ABCA12: variants seen among roughly 807,000 people sequenced by gnomAD.
ABCA12 encodes ATP binding cassette subfamily A member 12, also known as glucosylceramide transporter ABCA12.
In ABCA12, 156 loss-of-function variants were observed where a neutral mutation model predicts 293.5. The observed-to-expected ratio is 0.53, with a 90% CI of 0.47 to 0.61. The LOEUF (loss-of-function observed/expected upper bound fraction) is 0.61, where lower values mean the gene tolerates loss of function less well. Ranked by LOEUF, ABCA12 falls within the 20% of genes least tolerant of loss-of-function variation. ABCA12 has a pLI of 0.00. For synonymous variants in ABCA12, 1,063 were observed against 1,108.0 expected, an observed-to-expected ratio of 0.96 and a Z score of 0.81; for missense variants, 2,797 against 3,090.2, an observed-to-expected ratio of 0.91 and a Z score of 2.25.
chr2:215,037,041 A>G lies in ABCA12; in HGVS notation c.897T>C (p.Val299=). Residue 299 remains valine (V), a synonymous_variant, in exon 8 of 53, where the codon GTT becomes GTC. Coordinates refer to ENST00000272895, the MANE Select transcript of ABCA12 (RefSeq NM_173076.3). ...CTTCGTTAGTTGCAAAACGTGGATA[A>G]ACCTTCTGCACAACCAGCAGCACAC... is the stretch of plus-strand genomic sequence containing the variant. ...ANSVLLVVQK[V]YPRFATNEGF... is the part of the protein sequence containing the mutation. 6.2e-7 allele frequency: 1 copy of G among 1,613,962 alleles called. No homozygotes were observed. Among genetic ancestry groups the G allele is most frequent in the Non-Finnish European group, 8.5e-7 (1 of 1,179,860 alleles).
chr2:214,992,246 T>C (rs1333826455), intron 23 of ABCA12, among the ~76,000 whole-genome samples: 1 of 151,424 alleles, frequency 6.6e-6, no homozygotes, highest in Non-Finnish European at 1.5e-5. Context: ...ACAGAGACCA[T>C]CCTGGCTAAC....
intron 45 of ABCA12, among the ~76,000 whole-genome samples, chr2:214,950,541 G>A (rs927319774): frequency 2.7e-5 from 4 of 145,824 alleles, no homozygotes; most frequent in African/African-American, 1.0e-4. Context: ...GAATCACTCT[G>A]TCACCCAGGC....
intron 15 of ABCA12, 62 bp downstream of exon 15, chr2:215,015,428 G>A (rs1700471335): frequency 1.4e-6 from 2 of 1,441,708 alleles, no homozygotes; most frequent in Non-Finnish European, 1.9e-6. Context: ...GAACATAAAT[G>A]TATAATTAAA....
chr2:215,009,244 C>A (rs1700319911), intron 18 of ABCA12, among the ~76,000 whole-genome samples: 1 of 152,014 alleles, frequency 6.6e-6, no homozygotes, highest in Non-Finnish European at 1.5e-5. Flanking sequence ...AAAAACCACA[C>A]GCTCTCACTT....
Position 214,956,148 on chromosome 2 carries a change from T to C in ABCA12, c.6233+515A>G, listed in dbSNP as rs968862778. On this transcript the variant is annotated intron_variant, in intron 42 of 52. Coordinates refer to ENST00000272895, the MANE Select transcript of ABCA12 (RefSeq NM_173076.3). ...GCTAATTAAGGGTTACTACCATGTA[T>C]TCAGGGCAGAAAGATTTGTTATGCT... Among the ~76,000 whole-genome samples the C allele has an allele frequency of 1.4e-4, 22 of 152,186 alleles. 1 individual carries two copies. The highest frequency in any genetic ancestry group is 2.5e-4 in the Non-Finnish European group (17 of 68,028).
intron 2 of ABCA12, among the ~76,000 whole-genome samples, chr2:215,106,481 G>A (rs77490340): frequency 0.01 from 1,527 of 152,224 alleles, 10 homozygotes; most frequent in Non-Finnish European, 0.014. Context: ...CCATCTGTCC[G>A]CAGGTATCTT....
chr2:215,122,237 A>G (rs1293963415), intron 1 of ABCA12, among the ~76,000 whole-genome samples: 1 of 152,192 alleles, frequency 6.6e-6, no homozygotes, highest in Non-Finnish European at 1.5e-5. Context: ...CATGTCTACT[A>G]TGTGGCAGGC....
At chr2:214,969,915 T>C (rs896541486) in intron 37 of ABCA12, among the ~76,000 whole-genome samples, 1 of 151,992 alleles carries the variant, frequency 6.6e-6, no homozygotes, top group Admixed American at 6.6e-5. Flanking sequence ...CACTCTTAAG[T>C]TTTGAGATAT....
chr2:215,119,226 C>A (rs946374791), intron 1 of ABCA12, among the ~76,000 whole-genome samples: 1 of 152,230 alleles, frequency 6.6e-6, no homozygotes, highest in Admixed American at 6.5e-5. Flanking sequence ...CAGCCTTGGC[C>A]TCCCAAAGTA....
chr2:215,115,209 A>G (rs1702660776), intron 1 of ABCA12, among the ~76,000 whole-genome samples: 1 of 152,250 alleles, frequency 6.6e-6, no homozygotes, highest in South Asian at 2.1e-4. Flanking sequence ...AGAGAGATTT[A>G]GAGAACATTT....
At chr2:215,054,541 T>G (rs1174762788) in intron 4 of ABCA12, 32 bp downstream of exon 4, 1 of 1,538,620 alleles carries the variant, frequency 6.5e-7, no homozygotes, top group Non-Finnish European at 9.0e-7. Flanking sequence ...CCATAAGGCT[T>G]GTTCTGAACT....
intron 33 of ABCA12, among the ~76,000 whole-genome samples, chr2:214,977,805 A>G (rs1699551423): frequency 6.6e-6 from 1 of 152,140 alleles, no homozygotes; most frequent in African/African-American, 2.4e-5. Context: ...TCAGCACCTG[A>G]AAGACTCAGA....
At chr2:215,062,906 C>T (rs1007492920) in intron 3 of ABCA12, among the ~76,000 whole-genome samples, 5 of 151,892 alleles carry the variant, frequency 3.3e-5, no homozygotes, top group African/African-American at 9.7e-5. Context: ...TGTTGCTTTC[C>T]CTTCCTTTAG....
At position 215,011,839 on chromosome 2, in the gene ABCA12, G is replaced by A. The variant is rs2106002372; in HGVS notation, c.2121+132C>T. 6.2e-5 allele frequency: 74 copies of A among 1,195,862 alleles called. 2 individuals carry two copies. The South Asian group carries it at 9.5e-4, about 15-fold the overall frequency. The allele number at this position is 1,195,862 out of a possible 1,614,324, so 74.1% of individuals were successfully genotyped here. A position where few individuals can be genotyped will look rare whatever the true frequency, so the allele number is the denominator to read the frequency against. ...ATTAAAGTGGCAAAAAGTGTTGCTA[G>A]GTAGAAGAGTTTTCTTGTAGGTGTT... On this transcript the variant is annotated intron_variant, in intron 16 of 52. Coordinates refer to ENST00000272895, the MANE Select transcript of ABCA12 (RefSeq NM_173076.3).
intron 1 of ABCA12, among the ~76,000 whole-genome samples, chr2:215,113,933 T>C (rs1452412365): frequency 6.6e-6 from 1 of 152,216 alleles, no homozygotes; most frequent in Non-Finnish European, 1.5e-5. Flanking sequence ...AGACCTTTTA[T>C]TTAATACTAC....
intron 28 of ABCA12, among the ~76,000 whole-genome samples, chr2:214,984,917 T>C (rs1395959199): frequency 6.6e-6 from 1 of 152,188 alleles, no homozygotes; most frequent in Non-Finnish European, 1.5e-5. Flanking sequence ...ACCTGGATAA[T>C]TCCTCATCAT....
intron 28 of ABCA12, among the ~76,000 whole-genome samples, chr2:214,986,204 C>G (rs144657013): frequency 5.1e-4 from 77 of 152,218 alleles, no homozygotes; most frequent in African/African-American, 1.8e-3. Context: ...CAGATACTCC[C>G]TTTAAGAGAT....
chr2:215,031,831 G>C lies in ABCA12; in HGVS notation c.1051C>G (p.Leu351Val). Reference sequence around the variant, plus strand: ...TAAACAAAGACTTACTGTGCAGCCAGACTGCTTGGAGATAAGGTCTGTCCA... The same window carrying C: ...TAAACAAAGACTTACTGTGCAGCCACACTGCTTGGAGATAAGGTCTGTCCA... Reference protein sequence around the residue: ...DDGQTLSPSSLAAQLLILENF... With the variant: ...DDGQTLSPSSVAAQLLILENF... Residue 351 changes from leucine to valine, a missense_variant, in exon 9 of 53, where the codon CTG (leucine) becomes GTG (valine). Leu to Val is a conservative substitution (Grantham distance 32). Coordinates refer to ENST00000272895, the MANE Select transcript of ABCA12 (RefSeq NM_173076.3). 1 of 1,613,950 alleles carries C rather than the reference G, an allele frequency of 6.2e-7. No individual in the cohort carries two copies. Among genetic ancestry groups the C allele is most frequent in the Non-Finnish European group, 8.5e-7 (1 of 1,179,944 alleles).
At chr2:214,970,197 ATCTATTGTC>A in intron 37 of ABCA12, 67 bp downstream of exon 37, 2 of 1,392,738 alleles carry the variant, frequency 1.4e-6, no homozygotes, top group Non-Finnish European at 2.0e-6. Context: ...AGAAATTTGT[ATCTATTGTC>A]TCTTTAGAAG....
Sources: allele counts gnomAD v4.1 joint callset (sites outside exome capture counted in the v4.1 genomes callset), GRCh38; gene constraint gnomAD v4.1.1; transcripts MANE v1.5; gene names NCBI Gene and HGNC (gene_info 2026-07-23, HGNC 2026-07-21).